Variants in CNTLN observed in about 807,000 individuals in gnomAD.
CNTLN encodes the protein centlein, centrosomal protein.
CNTLN carries 212 observed loss-of-function variants against 180.0 expected under a neutral mutation model. The ratio of observed to expected loss-of-function variants is 1.18; its 90% confidence interval spans 1.05 to 1.32. CNTLN has a LOEUF of 1.32. CNTLN is among the 40% of genes most tolerant of loss of function. The pLI, the probability that CNTLN is intolerant of heterozygous loss-of-function variation, is 0.00. For missense variants in CNTLN, 2,095 were observed against 1,610.9 expected (o/e 1.30, Z -5.14); for synonymous variants, 722 against 563.1 (o/e 1.28, Z -3.99).
intron 18 of CNTLN, among the ~76,000 whole-genome samples, chr9:17,433,084 A>G (rs1404967258): frequency 6.6e-6 from 1 of 151,710 alleles, no homozygotes; most frequent in Non-Finnish European, 1.5e-5. Context: ...CAAATCTAAC[A>G]TTATTCTCCA....
At chr9:17,423,292 GTTC>G (rs1828855793) in intron 18 of CNTLN, among the ~76,000 whole-genome samples, 2 of 152,270 alleles carry the variant, frequency 1.3e-5, no homozygotes, top group Middle Eastern at 3.4e-3. Context: ...CCAGAACTGG[GTTC>G]TTCTTTGCAG....
chr9:17,401,618 C>T (rs938576924), intron 15 of CNTLN, among the ~76,000 whole-genome samples: 4 of 151,776 alleles, frequency 2.6e-5, no homozygotes, highest in Admixed American at 2.0e-4. Flanking sequence ...AGTGATCCTC[C>T]TGCCTTGGCC....
At chr9:17,299,958 GT>G (rs1818231701) in intron 7 of CNTLN, 1 of 205,436 alleles carries the variant, frequency 4.9e-6, no homozygotes, top group African/African-American at 2.4e-5. Context: ...TCCATGTCCT[GT>G]AAAGTGTGAA....
At chr9:17,267,678 A>G (rs1272548027) in intron 5 of CNTLN, among the ~76,000 whole-genome samples, 2 of 152,296 alleles carry the variant, frequency 1.3e-5, no homozygotes, top group South Asian at 2.1e-4. Flanking sequence ...AGGTACACCA[A>G]TCAGACGTAG....
intron 18 of CNTLN, among the ~76,000 whole-genome samples, chr9:17,450,103 G>T (rs865995424): frequency 6.6e-6 from 1 of 152,118 alleles, no homozygotes; most frequent in South Asian, 2.1e-4. Context: ...TTATCCATAT[G>T]CAGATATCCA....
Position 17,330,701 on chromosome 9 carries a change from T to C in CNTLN, c.1411T>C (p.Leu471=). 1 of 1,612,092 alleles carries C rather than the reference T, an allele frequency of 6.2e-7. No homozygotes were observed. The part of the protein sequence containing the change: ...MVSQKSEIEY[L]QEKLKIANEK... ...TTCACAGAAGTCTGAAATTGAGTAT[T>C]TACAGGAGAAACTAAAGATAGCAAA... The change falls in exon 9 of 26, where the codon TTA becomes CTA. Residue 471 remains leucine, a synonymous_variant. Coordinates refer to ENST00000380647, the MANE Select transcript of CNTLN (RefSeq NM_017738.4).
At chr9:17,314,697 A>T (rs1819427561) in intron 8 of CNTLN, among the ~76,000 whole-genome samples, 1 of 152,206 alleles carries the variant, frequency 6.6e-6, no homozygotes. Context: ...AGAATGGGTA[A>T]CTTAGCCAAT....
intron 25 of CNTLN, among the ~76,000 whole-genome samples, chr9:17,502,077 A>AT (rs11448417): frequency 0.041 from 6,271 of 152,218 alleles, 398 homozygotes; most frequent in African/African-American, 0.14. Context: ...TACTTTTGCG[A>AT]TTTTTTCCTC....
At chr9:17,402,735 C>A (rs1827079108) in intron 15 of CNTLN, among the ~76,000 whole-genome samples, 1 of 151,748 alleles carries the variant, frequency 6.6e-6, no homozygotes. Context: ...GGTCTCTAGC[C>A]TGCCAGACTT....
intron 2 of CNTLN, among the ~76,000 whole-genome samples, chr9:17,212,224 G>A (rs191117009): frequency 5.3e-5 from 8 of 152,208 alleles, no homozygotes; most frequent in South Asian, 4.1e-4. Flanking sequence ...TTTGAGATAC[G>A]TCCCACCAAT....
intron 5 of CNTLN, among the ~76,000 whole-genome samples, chr9:17,251,438 CTCTT>C (rs1164009799): frequency 1.3e-5 from 2 of 151,578 alleles, no homozygotes; most frequent in African/African-American, 4.8e-5. Context: ...TCTTTTTTCT[CTCTT>C]TATGCTCTTT....
Position 17,248,896 on chromosome 9 carries a change from T to A in CNTLN, c.849+12308T>A, listed in dbSNP as rs1456435696. ...TTTATTATCTTATAATCATTTTTAT[T>A]TCTTTATAGTTAATCATAGTGTTCT... On this transcript the variant is annotated intron_variant, in intron 5 of 25. Coordinates refer to ENST00000380647, the MANE Select transcript of CNTLN (RefSeq NM_017738.4). Among the ~76,000 whole-genome samples, 4 of 152,060 alleles carry A rather than the reference T, an allele frequency of 2.6e-5. No homozygotes were observed. In the East Asian group the frequency reaches 7.7e-4, roughly 29 times the overall value.
At chr9:17,174,863 T>C (rs1030608892) in intron 2 of CNTLN, among the ~76,000 whole-genome samples, 6 of 152,242 alleles carry the variant, frequency 3.9e-5, no homozygotes, top group South Asian at 2.1e-4. Context: ...TGTATAGTTA[T>C]ACCTCATTGA....
chr9:17,370,224 A>G (rs1824196581), intron 13 of CNTLN, among the ~76,000 whole-genome samples: 2 of 152,196 alleles, frequency 1.3e-5, no homozygotes, highest in African/African-American at 2.4e-5. Flanking sequence ...AACACCAAGC[A>G]GGTTTAACCC....
intron 8 of CNTLN, among the ~76,000 whole-genome samples, chr9:17,312,642 A>G (rs534261155): frequency 1.7e-4 from 24 of 138,766 alleles, no homozygotes; most frequent in Admixed American, 1.4e-3. Flanking sequence ...TGGCCTCGTT[A>G]TCCACCCACC....
At chr9:17,486,946 T>C (rs1366964042) in intron 24 of CNTLN, 43 bp from the exon 25 acceptor site, 3 of 966,340 alleles carry the variant, frequency 3.1e-6, no homozygotes, top group Admixed American at 4.7e-5. Context: ...AACAAGTTCA[T>C]ATAAATTTCG....
At chr9:17,276,776 T>A (rs1359126240) in intron 6 of CNTLN, among the ~76,000 whole-genome samples, 1 of 152,116 alleles carries the variant, frequency 6.6e-6, no homozygotes, top group East Asian at 1.9e-4. Flanking sequence ...ATCTTTAGAT[T>A]GCTTATATTA....
At chr9:17,229,128 A>G (rs1824655914) in intron 3 of CNTLN, among the ~76,000 whole-genome samples, 1 of 152,042 alleles carries the variant, frequency 6.6e-6, no homozygotes, top group African/African-American at 2.4e-5. Context: ...ATTGTAGTGA[A>G]AGAGGTGAAA....
chr9:17,290,223 T>G (rs1315995834), intron 6 of CNTLN, among the ~76,000 whole-genome samples: 1 of 152,144 alleles, frequency 6.6e-6, no homozygotes, highest in Non-Finnish European at 1.5e-5. Flanking sequence ...GTTTTCCTTC[T>G]ATCAGACAGG....
Sources: gnomAD v4.1 joint callset for allele counts (sites outside exome capture counted in the v4.1 genomes callset) on GRCh38, gnomAD v4.1.1 for gene constraint, MANE v1.5 for transcripts, NCBI Gene and HGNC (gene_info 2026-07-23, HGNC 2026-07-21) for gene names.